Variants in DPY19L1 observed in about 807,000 individuals in gnomAD.
DPY19L1 encodes the protein dpy-19 like C-mannosyltransferase 1.
Under a neutral mutation model 96.9 loss-of-function variants are expected in DPY19L1, and 35 were observed. The ratio of observed to expected loss-of-function variants is 0.36; its 90% CI spans 0.28 to 0.48. The LOEUF (loss-of-function observed/expected upper bound fraction) is 0.48. Among genes scored for constraint, DPY19L1 ranks in the 20% least tolerant of loss-of-function variants. DPY19L1 has a pLI of 0.99. For synonymous variants in DPY19L1, 205 were observed against 252.6 expected (o/e 0.81, Z 1.79); for missense variants, 521 against 777.9 (o/e 0.67, Z 3.93).
At chr7:34,979,866 C>G (rs1249469023) in intron 7 of DPY19L1, among the ~76,000 whole-genome samples, 1 of 152,036 alleles carries the variant, frequency 6.6e-6, no homozygotes, top group African/African-American at 2.4e-5. Flanking sequence ...AAAACACAAC[C>G]AGCAAGTTGT....
At chr7:34,945,105 C>A (rs1268875794) in intron 16 of DPY19L1, among the ~76,000 whole-genome samples, 1 of 152,086 alleles carries the variant, frequency 6.6e-6, no homozygotes, top group South Asian at 2.1e-4. Context: ...ACGGGTCACA[C>A]ATCAACATTT....
intron 21 of DPY19L1, among the ~76,000 whole-genome samples, chr7:34,936,165 C>A (rs528171915): frequency 2.0e-4 from 31 of 152,380 alleles, no homozygotes; most frequent in African/African-American, 7.5e-4. Context: ...GAAGTCAGTT[C>A]AATGTCTGCT....
chr7:34,977,203 C>A lies in DPY19L1; in HGVS notation c.823-3598G>T, dbSNP rs138966480. Among the ~76,000 whole-genome samples the A allele has an allele frequency of 3.7e-3, 562 of 152,216 alleles. 2 individuals carry two copies. The highest frequency in any genetic ancestry group is 0.014 in the Middle Eastern group (4 of 294). On this transcript the variant is annotated intron_variant, in intron 7 of 21. Coordinates refer to ENST00000638088, the MANE Select transcript of DPY19L1 (RefSeq NM_001366673.1). ...GAAATTTGTATGACTTGATTTATTA[C>A]GATATTCATTTTACGGTATCTCTGA...
At chr7:35,011,145 C>G (rs1020673107) in intron 5 of DPY19L1, among the ~76,000 whole-genome samples, 185 bp downstream of exon 5, 2 of 152,090 alleles carry the variant, frequency 1.3e-5, no homozygotes, top group Admixed American at 1.3e-4. Flanking sequence ...AGCAGAGGTC[C>G]CTGAAATCAT....
intron 6 of DPY19L1, among the ~76,000 whole-genome samples, chr7:35,005,626 C>T (rs1294684751): frequency 7.2e-6 from 1 of 137,942 alleles, no homozygotes; most frequent in Non-Finnish European, 1.5e-5. Flanking sequence ...TGGTAAAACC[C>T]TGTCTCTACT....
intron 6 of DPY19L1, among the ~76,000 whole-genome samples, chr7:34,993,694 TTA>T (rs1228642256): frequency 1.3e-5 from 2 of 151,956 alleles, no homozygotes; most frequent in Non-Finnish European, 2.9e-5. Flanking sequence ...GGGCTGTCAT[TTA>T]TATGATGGTC....
In DPY19L1 at chr7:34,946,049, G is replaced by A. The variant is rs566302007; in HGVS notation, c.1495-333C>T. Among the ~76,000 whole-genome samples, 6 of 152,270 alleles carry A rather than the reference G, an allele frequency of 3.9e-5. No homozygotes were observed. In the East Asian group the frequency reaches 9.6e-4, roughly 24 times the overall value. On this transcript the variant is annotated intron_variant, in intron 15 of 21. Transcript: ENST00000638088. ...TTCTGGCTTCAAATTCACATTCAGC[G>A]CTGCTTCCACCATGCCAACGTTGTT...
chr7:34,953,125 T>TAA (rs1208777868), intron 13 of DPY19L1, among the ~76,000 whole-genome samples: 3 of 152,042 alleles, frequency 2.0e-5, no homozygotes, highest in African/African-American at 7.2e-5. Flanking sequence ...GCACTATCAG[T>TAA]AAAAGTAGAG....
intron 1 of DPY19L1, among the ~76,000 whole-genome samples, chr7:35,023,053 C>T (rs535177447): frequency 6.6e-6 from 1 of 152,302 alleles, no homozygotes; most frequent in Admixed American, 6.5e-5. Context: ...GTGTCCTGGG[C>T]AAGTGGGGAG....
At chr7:34,966,995 A>C in intron 9 of DPY19L1, 24 bp from the exon 10 acceptor site, 1 of 1,484,270 alleles carries the variant, frequency 6.7e-7, no homozygotes, top group Non-Finnish European at 9.1e-7. Context: ...AGAAATTAGA[A>C]GTAAAAAAGA....
At chr7:35,010,867 G>C (rs1785694468) in intron 5 of DPY19L1, among the ~76,000 whole-genome samples, 1 of 152,184 alleles carries the variant, frequency 6.6e-6, no homozygotes. Context: ...TATGGCAGAA[G>C]CAACACTATG....
chr7:35,005,862 G>T lies in DPY19L1; in HGVS notation c.764+4606C>A, dbSNP rs192238719. Among the ~76,000 whole-genome samples, 733 of 152,084 alleles carry T rather than the reference G, an allele frequency of 4.8e-3. 3 individuals carry two copies. The highest frequency in any genetic ancestry group is 0.017 in the African/African-American group (686 of 41,466). ...TTTGTCATGTGAGAGAGAAGGTAAG[G>T]GATGAACACATTCTGAGGCGGATGG... On this transcript the variant is annotated intron_variant, in intron 6 of 21. Transcript: ENST00000638088.
At position 34,947,693 on chromosome 7, in the gene DPY19L1, C is replaced by T. The variant is rs1784179805; in HGVS notation, c.1431G>A (p.Leu477=). The change falls in exon 15 of 22, where the codon CTG becomes CTA. Residue 477 remains leucine, a synonymous_variant. Coordinates refer to ENST00000638088, the MANE Select transcript of DPY19L1 (RefSeq NM_001366673.1). ...GAAGCAATAATGTCTTTGTGTATCTCAGTGGAGTCTGAAATTCAAAGAGAT... is the reference window on the plus strand; with the variant it reads ...GAAGCAATAATGTCTTTGTGTATCTTAGTGGAGTCTGAAATTCAAAGAGAT... The part of the protein sequence containing the change: ...EFDFMEKETP[L]RYTKTLLLPV... The T allele has an allele frequency of 6.2e-7, 1 of 1,608,534 alleles. No individual in the cohort carries two copies. Among genetic ancestry groups the T allele is most frequent in the African/African-American group, 1.3e-5 (1 of 74,600 alleles).
intron 11 of DPY19L1, among the ~76,000 whole-genome samples, chr7:34,956,870 G>A (rs1269394813): frequency 6.6e-6 from 1 of 152,266 alleles, no homozygotes; most frequent in Middle Eastern, 3.4e-3. Context: ...AATGTAATGG[G>A]TTCTAGAAAT....
rs142650675 is a variant in DPY19L1 at position 35,001,258 on chromosome 7, A to C, written c.764+9210T>G. ...TTCAGAATGAGTCCATTGGAAAAAT[A>C]CTTCCTAAATTGGTAAACGCTAGTA... On this transcript the variant is annotated intron_variant, in intron 6 of 21. Transcript: ENST00000638088. 4.3e-3 allele frequency among the ~76,000 whole-genome samples: 662 copies of C among 152,346 alleles called. 5 individuals carry two copies. Among genetic ancestry groups the C allele is most frequent in the South Asian group, 0.016 (77 of 4,832 alleles).
chr7:35,001,277 G>A (rs562302475), intron 6 of DPY19L1, among the ~76,000 whole-genome samples: 11 of 152,198 alleles, frequency 7.2e-5, no homozygotes, highest in Non-Finnish European at 1.5e-4. Context: ...ATTGGTAAAC[G>A]CTAGTAAAGC....
chr7:35,034,532 G>A lies in DPY19L1; in HGVS notation c.298+2565C>T, dbSNP rs115801544. On this transcript the variant is annotated intron_variant, in intron 1 of 21. Coordinates refer to ENST00000638088, the MANE Select transcript of DPY19L1 (RefSeq NM_001366673.1). ...TACAAATATTAGCACTAAATAAGTA[G>A]CAAATAATGCCCCACAATAAGAAAA... Among the ~76,000 whole-genome samples the A allele has an allele frequency of 7.9e-5, 12 of 152,232 alleles. No homozygotes were observed. In the South Asian group the frequency reaches 2.5e-3, roughly 32 times the overall value.
At chr7:35,000,427 C>T (rs1452376143) in intron 6 of DPY19L1, 3 of 152,202 alleles carry the variant, frequency 2.0e-5, no homozygotes, top group African/African-American at 7.2e-5. Context: ...TGTGTAATCA[C>T]AAAAGCAGAC....
chr7:34,987,978 A>T (rs1785085662), intron 7 of DPY19L1: 1 of 151,994 alleles, frequency 6.6e-6, no homozygotes, highest in Non-Finnish European at 1.5e-5. Flanking sequence ...ACCTTTTCCT[A>T]AAAAAGTGAT....
Sources: gnomAD v4.1 joint callset for allele counts (sites outside exome capture counted in the v4.1 genomes callset) on GRCh38, gnomAD v4.1.1 for gene constraint, MANE v1.5 for transcripts, NCBI Gene and HGNC (gene_info 2026-07-23, HGNC 2026-07-21) for gene names.